Variants in MYBBP1A observed in about 807,000 individuals in gnomAD.
MYBBP1A encodes the protein MYB binding protein 1a, also known as myb-binding protein 1A.
In MYBBP1A, 147 loss-of-function variants were observed where a neutral mutation model predicts 136.3. The observed-to-expected ratio is 1.08, with a 90% CI of 0.94 to 1.24. The LOEUF (loss-of-function observed/expected upper bound fraction) is 1.24, where lower values mean the gene tolerates loss of function less well. MYBBP1A is among the 50% of genes most tolerant of loss of function. The pLI, the probability that MYBBP1A is intolerant of heterozygous loss-of-function variation, is 0.00. For missense variants in MYBBP1A, 2,060 were observed against 1,727.4 expected, an observed-to-expected ratio of 1.19 and a Z score of -3.41; for synonymous variants, 947 against 735.8, an observed-to-expected ratio of 1.29 and a Z score of -4.65.
At chr17:4,554,123 G>A in intron 3 of MYBBP1A, 30 bp from the exon 4 acceptor site, 2 of 1,613,758 alleles carry the variant, frequency 1.2e-6, no homozygotes, top group South Asian at 1.1e-5. Flanking sequence ...ACAGGCATGA[G>A]GGGCCCTGGA....
At chr17:4,540,786 C>T (rs1312614156) in intron 24 of MYBBP1A, among the ~76,000 whole-genome samples, 1 of 152,216 alleles carries the variant, frequency 6.6e-6, no homozygotes, top group Non-Finnish European at 1.5e-5. Context: ...CCCAGCACTC[C>T]ATCACCGCGG....
chr17:4,543,888 T>TC (rs755269882), intron 19 of MYBBP1A, among the ~76,000 whole-genome samples: 4,013 of 142,548 alleles, frequency 0.028, 63 homozygotes, highest in African/African-American at 0.035. Context: ...CTCAGACCCT[T>TC]CCCCACGCCA....
chr17:4,549,481 A>T (rs1907313715), intron 9 of MYBBP1A, 39 bp from the exon 10 acceptor site: 2 of 1,574,354 alleles, frequency 1.3e-6, no homozygotes, highest in African/African-American at 2.7e-5. Context: ...AGCCACTTAT[A>T]ACTGGCAGAA....
rs777143514 is a variant in MYBBP1A, at chr17:4,539,461, C to T, written c.3941G>A (p.Ser1314Asn). ...LVIRSPSLLQ[S>N]GAKKKAQVRK... The stretch of plus-strand genomic sequence containing the variant: ...CACCTGTGCTTTCTTCTTGGCCCCA[C>T]TCTGAAGCAGGCTGGGACTCCTGAT... Residue 1314 changes from serine to asparagine, a missense_variant, in exon 26 of 26, where the codon AGT (serine) becomes AAT (asparagine). Coordinates refer to ENST00000254718, the MANE Select transcript of MYBBP1A (RefSeq NM_014520.4). 7 of 1,614,026 alleles carry T rather than the reference C, an allele frequency of 4.3e-6. No homozygotes were observed. In the African/African-American group the frequency reaches 8.0e-5, roughly 18 times the overall value.
chr17:4,544,978 A>G, intron 17 of MYBBP1A, 48 bp downstream of exon 17: 4 of 1,534,424 alleles, frequency 2.6e-6, no homozygotes, highest in Non-Finnish European at 2.6e-6. Context: ...CAACATGGGG[A>G]CACCCGAGCC....
At chr17:4,549,038 C>A (rs374056298) in intron 10 of MYBBP1A, among the ~76,000 whole-genome samples, 1 of 152,260 alleles carries the variant, frequency 6.6e-6, no homozygotes, top group East Asian at 1.9e-4. Flanking sequence ...TGCACTGGCA[C>A]AGACGAGGCA....
At chr17:4,545,516 G>A (rs926309668) in intron 15 of MYBBP1A, 94 bp downstream of exon 15, 46 of 1,509,950 alleles carry the variant, frequency 3.0e-5, no homozygotes, top group East Asian at 9.4e-5. Context: ...GCAGGCTCCC[G>A]GCAGGGAGGC....
intron 8 of MYBBP1A, among the ~76,000 whole-genome samples, chr17:4,550,560 T>C (rs983366348): frequency 2.6e-5 from 4 of 152,256 alleles, no homozygotes; most frequent in African/African-American, 7.2e-5. Flanking sequence ...GTGCCTGAAC[T>C]TGCAACAGTC....
Position 4,554,643 on chromosome 17 carries a change from C to T in MYBBP1A, c.294+218G>A, listed in dbSNP as rs570199759. Among the ~76,000 whole-genome samples, 9 of 152,344 alleles carry T rather than the reference C, an allele frequency of 5.9e-5. No individual in the cohort carries two copies. In the East Asian group the frequency reaches 1.7e-3, roughly 29 times the overall value. On this transcript the variant is annotated intron_variant, in intron 2 of 25. Coordinates refer to ENST00000254718, the MANE Select transcript of MYBBP1A (RefSeq NM_014520.4). ...CAGAAAGTGTACCTAAGAGGCCGGGCAACCCAAGCACCAAATAGAAAACCT... is the reference window on the plus strand; with the variant it reads ...CAGAAAGTGTACCTAAGAGGCCGGGTAACCCAAGCACCAAATAGAAAACCT...
chr17:4,545,628 G>C lies in MYBBP1A; in HGVS notation c.2055C>G (p.Ala685=), dbSNP rs1263489138. The C allele has an allele frequency of 6.3e-7, 1 of 1,596,366 alleles. No individual in the cohort carries two copies. The highest frequency in any genetic ancestry group is 2.2e-5 in the East Asian group (1 of 44,482). The part of the protein sequence containing the change: ...GHICSHLTPR[A]LQLILDVLNP... Reference sequence around the variant, plus strand: ...AACTCACATCCAGAATTAGCTGCAGGGCACGCGGGGTCAGGTGGGAGCAGA... The same window carrying C: ...AACTCACATCCAGAATTAGCTGCAGCGCACGCGGGGTCAGGTGGGAGCAGA... The change falls in exon 15 of 26, where the codon GCC becomes GCG. Residue 685 remains alanine, a synonymous_variant. Transcript: ENST00000254718.
rs757140003 is a variant in MYBBP1A, at chr17:4,545,355, G to A, written c.2074-10C>T. Reference sequence around the variant, plus strand: ...TCTCGGGGTTCAGCACCTGGGGAGGGGTGCCAGCCACTGACCCATTTGCAG... The same window carrying A: ...TCTCGGGGTTCAGCACCTGGGGAGGAGTGCCAGCCACTGACCCATTTGCAG... On this transcript the variant is annotated splice_polypyrimidine_tract_variant and intron_variant, in intron 15 of 25. Coordinates refer to ENST00000254718, the MANE Select transcript of MYBBP1A (RefSeq NM_014520.4). 12 of 1,612,506 alleles carry A rather than the reference G, an allele frequency of 7.4e-6. No homozygotes were observed. In the East Asian group the frequency reaches 2.2e-4, roughly 30 times the overall value.
In MYBBP1A at chr17:4,551,893, A is replaced by G. The variant is rs368195643; in HGVS notation, c.1010T>C (p.Val337Ala). The G allele has an allele frequency of 1.6e-5, 26 of 1,613,288 alleles. No homozygotes were observed. Among genetic ancestry groups the G allele is most frequent in the Non-Finnish European group, 2.1e-5 (25 of 1,179,886 alleles). The change falls in exon 8 of 26, where the codon GTG becomes GCG. Residue 337 changes from valine to alanine, a missense_variant. Transcript: ENST00000254718. ...GDVIRHYGEHVCTAKLPKQFK... is the reference protein window; with the variant it reads ...GDVIRHYGEHACTAKLPKQFK... ...GGCATTACCCACCTTAGCAGTGCAC[A>G]CGTGCTCCCCGTAATGGCGGATCAC...
In MYBBP1A at chr17:4,545,086, C is replaced by T. The variant is rs1204826017; in HGVS notation, c.2250G>A (p.Gly750=). The change falls in exon 17 of 26, where the codon GGG becomes GGA. Residue 750 remains glycine (G), a synonymous_variant. Coordinates refer to ENST00000254718, the MANE Select transcript of MYBBP1A (RefSeq NM_014520.4). ...GTTCCCGGAAGCCCTGATCCACGTC[C>T]CCGTCGCGCTCCTCCTCCTCGCTCT... is the stretch of plus-strand genomic sequence containing the variant. ...GEESEEEERD[G]DVDQGFREQL... 3 of 1,582,984 alleles carry T rather than the reference C, an allele frequency of 1.9e-6. No homozygotes were observed. Among genetic ancestry groups the T allele is most frequent in the Non-Finnish European group, 2.6e-6 (3 of 1,165,812 alleles).
intron 20 of MYBBP1A, 51 bp downstream of exon 20, chr17:4,542,862 C>A: frequency 6.2e-7 from 1 of 1,608,100 alleles, no homozygotes; most frequent in Non-Finnish European, 8.5e-7. Context: ...CCGGCCTCCA[C>A]TCCCTGGCTG....
In MYBBP1A at chr17:4,547,989, A is replaced by C. The variant is rs1005004634; in HGVS notation, c.1793T>G (p.Leu598Arg). 6.5e-7 allele frequency: 1 copy of C among 1,528,948 alleles called. No homozygotes were observed. The highest frequency in any genetic ancestry group is 8.8e-7 in the Non-Finnish European group (1 of 1,134,828). The allele number at this position is 1,528,948 out of a possible 1,614,324, so 94.7% of individuals were successfully genotyped here. The change falls in exon 13 of 26, where the codon CTT (leucine) becomes CGT (arginine). Residue 598 changes from leucine (L) to arginine (R), a missense_variant. Coordinates refer to ENST00000254718, the MANE Select transcript of MYBBP1A (RefSeq NM_014520.4). ...GAGGTGGATGCCCACGAGGAGCAGA[A>C]GGTGCTGGAAGGCAGCAGCCCTGGC... ...AEARAAAFQH[L>R]LLLVGIHLLK...
rs372114838 is a variant in MYBBP1A, at chr17:4,550,436, GCAACAGCC to G, written c.1024-91_1024-84del. On this transcript the variant is annotated intron_variant, in intron 8 of 25. Transcript: ENST00000254718. ...ACCCAACAGCCAAGGGGGCAGGCGG[GCAACAGCC>G]CAACAGCCCAACAGCCCGGGGGCAG... The G allele has an allele frequency of 2.1e-3, 3,124 of 1,493,230 alleles. 4 individuals are homozygous for G. Among genetic ancestry groups the G allele is most frequent in the African/African-American group, 7.6e-3 (544 of 71,980 alleles). The allele number at this position is 1,493,230 out of a possible 1,614,324, so 92.5% of individuals were successfully genotyped here.
chr17:4,554,049 G>C lies in MYBBP1A; in HGVS notation c.423C>G (p.Leu141=). ...PALFANLFGV[L]ALFQSGRLVK... ...CCAGCCGACCTGACTGAAAGAGGGCGAGCACTCCAAACAGGTTTGCAAAGA... is the reference window on the plus strand; with the variant it reads ...CCAGCCGACCTGACTGAAAGAGGGCCAGCACTCCAAACAGGTTTGCAAAGA... Residue 141 remains leucine, a synonymous_variant, in exon 4 of 26, where the codon CTC becomes CTG. Coordinates refer to ENST00000254718, the MANE Select transcript of MYBBP1A (RefSeq NM_014520.4). The C allele has an allele frequency of 1.2e-6, 2 of 1,614,016 alleles. No individual in the cohort carries two copies. Among genetic ancestry groups the C allele is most frequent in the Non-Finnish European group, 1.7e-6 (2 of 1,180,024 alleles).
chr17:4,543,676 C>T lies in MYBBP1A; in HGVS notation c.2640-511G>A, dbSNP rs549140161. ...AGAATGCACTGCCAGTCACACTCCC[C>T]ACCCCTCCTGACTATCCACGCAGCG... On this transcript the variant is annotated intron_variant, in intron 19 of 25. Transcript: ENST00000254718. Among the ~76,000 whole-genome samples, 3 of 152,118 alleles carry T rather than the reference C, an allele frequency of 2.0e-5. 1 individual carries two copies. The South Asian group carries it at 6.2e-4, about 32-fold the overall frequency.
rs1597376548 is a variant in MYBBP1A at position 4,540,550 on chromosome 17, C to T, written c.3298-66G>A. On this transcript the variant is annotated intron_variant, in intron 24 of 25. Transcript: ENST00000254718. ...GCGGGGCCTCTCGCGGGCTCCCAGT[C>T]TTCCCACCTCTGCCCTGTTGCTGCC... 8 of 1,483,758 alleles carry T rather than the reference C, an allele frequency of 5.4e-6. No individual in the cohort carries two copies. In the Admixed American group the frequency reaches 8.7e-5, roughly 16 times the overall value. 91.9% of individuals were successfully genotyped at this position (1,483,758 alleles called of 1,614,324 possible). A position where few individuals can be genotyped will look rare whatever the true frequency, so the allele number is the denominator to read the frequency against.
Sources: allele counts gnomAD v4.1 joint callset (sites outside exome capture counted in the v4.1 genomes callset), GRCh38; gene constraint gnomAD v4.1.1; transcripts MANE v1.5; gene names NCBI Gene and HGNC (gene_info 2026-07-23, HGNC 2026-07-21).